Variants in TTN observed in about 807,000 individuals in gnomAD.
TTN encodes titin, also known as connectin.
A neutral mutation model predicts 3,223.0 loss-of-function variants in TTN; 1,525 were observed. The observed-to-expected ratio is 0.47, with a 90% CI of 0.45 to 0.49. TTN has a LOEUF of 0.49. Among genes scored for constraint, TTN ranks in the 20% least tolerant of loss-of-function variants. The probability of loss-of-function intolerance (pLI) is 0.00; values close to 1 mark genes in which losing one functional copy is unlikely to be tolerated. For missense variants in TTN, 40,786 were observed against 43,424.0 expected, an observed-to-expected ratio of 0.94 and a Z score of 5.40; for synonymous variants, 14,094 against 15,161.0, an observed-to-expected ratio of 0.93 and a Z score of 5.17.
chr2:178,637,299 C>A, intron 224 of TTN, 70 bp downstream of exon 224: 4 of 1,137,858 alleles, frequency 3.5e-6, no homozygotes, highest in Non-Finnish European at 1.2e-6. Context: ...AATTTTTTTC[C>A]CCTTGAATAT....
chr2:178,689,441 CA>C, intron 123 of TTN, 68 bp from the exon 124 acceptor site: 1 of 1,602,802 alleles, frequency 6.2e-7, no homozygotes, highest in Non-Finnish European at 8.5e-7. Context: ...ATAGAAGTGG[CA>C]ATTAAAGAAG....
At position 178,617,370 on chromosome 2, in the gene TTN, A is replaced by G. The variant is rs1559839662; in HGVS notation, c.47715T>C (p.Asn15905=). 1.9e-6 allele frequency: 3 copies of G among 1,586,368 alleles called. No homozygotes were observed. The highest frequency in any genetic ancestry group is 2.3e-5 in the East Asian group (1 of 44,136). The part of the protein sequence containing the change: ...IIERCEEGKD[N]WIRCNMKLVP... ...CAAGTTTCATATTGCAACGAATCCA[A>G]TTATCTTTTCCTTCTTCGCATCGCT... The change falls in exon 254 of 363, where the codon AAT becomes AAC. Residue 15905 remains asparagine (N), a synonymous_variant. Transcript: ENST00000589042.
Position 178,563,985 on chromosome 2 carries a change from T to TA in TTN, c.82146dup (p.Thr27383TyrfsTer19). On this transcript the variant is annotated frameshift_variant, in exon 326 of 363. Coordinates refer to ENST00000589042, the MANE Select transcript of TTN (RefSeq NM_001267550.2). LOFTEE classifies it high-confidence loss of function. The surrounding 1 kb of genome is among the most constrained non-coding windows in gnomAD (Gnocchi z 4.5). ...CATGCCAGGTAACATTTTTCCGCAG[T>TA]AACTCCAGTAACTTTCAGAGGCCCT... 6.2e-7 allele frequency: 1 copy of TA among 1,613,740 alleles called. No homozygotes were observed. Among genetic ancestry groups the TA allele is most frequent in the Non-Finnish European group, 8.5e-7 (1 of 1,179,742 alleles).
intron 259 of TTN, 149 bp downstream of exon 259, chr2:178,615,158 A>G: frequency 9.5e-7 from 1 of 1,050,918 alleles, no homozygotes; most frequent in Non-Finnish European, 1.4e-6. Context: ...AGCAGGCAGT[A>G]CATTCAGCAG....
intron 37 of TTN, among the ~76,000 whole-genome samples, chr2:178,769,139 T>A (rs1438421153): frequency 1.3e-5 from 2 of 152,020 alleles, no homozygotes; most frequent in African/African-American, 4.8e-5. Context: ...TGATAGACAC[T>A]GAGGCATCTT....
At chr2:178,747,439 AAACTGATCT>A in intron 47 of TTN, 5 of 1,613,410 alleles carry the variant, frequency 3.1e-6, no homozygotes, top group Middle Eastern at 3.3e-4. Context: ...GTGGGGTATA[AAACTGATCT>A]AACTCAGATA....
rs763816587 is a variant in TTN, at chr2:178,741,277, T to C, written c.11956A>G (p.Ile3986Val). Residue 3986 changes from isoleucine (I) to valine (V), a missense_variant, in exon 48 of 363, where the codon ATC (isoleucine) becomes GTC (valine). Ile to Val is a conservative substitution (Grantham distance 29). Coordinates refer to ENST00000589042, the MANE Select transcript of TTN (RefSeq NM_001267550.2). ...CCAGAGCCATTAGGGTTATGAATGA[T>C]AGTGTAATAAACACTGGTGCAAAGC... ...KQLCTSVYYT[I>V]IHNPNGSGTF... The C allele has an allele frequency of 6.2e-7, 1 of 1,613,792 alleles. No individual in the cohort carries two copies. Among genetic ancestry groups the C allele is most frequent in the African/African-American group, 1.3e-5 (1 of 74,932 alleles).
In TTN at chr2:178,569,974, T is replaced by G; in HGVS notation, c.76158A>C (p.Gly25386=). Residue 25386 remains glycine (G), a synonymous_variant, in exon 326 of 363, where the codon GGA becomes GGC. Transcript: ENST00000589042. ...CAGAAGGAGGGCTTGGTTCACTAAG[T>G]CCAGCAGCATTCTCAGCAGAAACTC... ...EFRVSAENAA[G]LSEPSPPSAY... The G allele has an allele frequency of 6.2e-7, 1 of 1,612,390 alleles. No individual in the cohort carries two copies. The highest frequency in any genetic ancestry group is 1.1e-5 in the South Asian group (1 of 90,982).
intron 47 of TTN, chr2:178,750,435 T>A: frequency 6.2e-7 from 1 of 1,612,492 alleles, no homozygotes. Flanking sequence ...ATGATAAAGT[T>A]TTGATTACGT....
intron 47 of TTN, chr2:178,744,862 G>T (rs1448914782): frequency 2.0e-6 from 2 of 985,024 alleles, no homozygotes; most frequent in African/African-American, 1.7e-5. Context: ...AAAGTGGAAA[G>T]ATCTATTTGC....
In TTN at chr2:178,615,420, T is replaced by G; in HGVS notation, c.48525A>C (p.Thr16175=). ...RDRTANSIFL[T]WDPPKNDGGS... is the part of the protein sequence containing the mutation. ...CACCATCATTTTTAGGTGGATCCCA[T>G]GTTAAGAAGATGCTATTGGCTGTTC... is the stretch of plus-strand genomic sequence containing the variant. Residue 16175 remains threonine (T), a synonymous_variant, in exon 259 of 363, where the codon ACA becomes ACC. Coordinates refer to ENST00000589042, the MANE Select transcript of TTN (RefSeq NM_001267550.2). The G allele has an allele frequency of 6.2e-7, 1 of 1,612,638 alleles. No individual in the cohort carries two copies. Among genetic ancestry groups the G allele is most frequent in the Non-Finnish European group, 8.5e-7 (1 of 1,179,030 alleles).
chr2:178,709,579 T>G lies in TTN; in HGVS notation c.28740A>C (p.Ser9580=), dbSNP rs1165320251. 1.9e-6 allele frequency: 3 copies of G among 1,605,798 alleles called. No homozygotes were observed. Among genetic ancestry groups the G allele is most frequent in the African/African-American group, 2.7e-5 (2 of 74,768 alleles). The change falls in exon 99 of 363, where the codon TCA becomes TCC. Residue 9580 remains serine (S), a synonymous_variant. Transcript: ENST00000589042. ...AGGATAACTCACCTTTGATGACGAT[T>G]GAAGACGTGCACAGAGCAGAGCCTG... is the stretch of plus-strand genomic sequence containing the variant. The part of the protein sequence containing the change: ...NDAGSALCTS[S]IVIKEPKKPP...
Position 178,601,494 on chromosome 2 carries a change from C to G in TTN, c.55503G>C (p.Lys18501Asn). The part of the protein sequence containing the change: ...ITRGSCRLSW[K>N]MPDDDGGDRI... Reference sequence around the variant, plus strand: ...TGTCTCCTCCATCGTCGTCTGGCATCTTCCATGAAAGTCTGCAACTACCCC... The same window carrying G: ...TGTCTCCTCCATCGTCGTCTGGCATGTTCCATGAAAGTCTGCAACTACCCC... Residue 18501 changes from lysine (K) to asparagine (N), a missense_variant, in exon 287 of 363, where the codon AAG (lysine) becomes AAC (asparagine). By Grantham distance (94) the Lys-to-Asn change is moderately conservative. Transcript: ENST00000589042. 6.2e-7 allele frequency: 1 copy of G among 1,613,040 alleles called. No homozygotes were observed. The highest frequency in any genetic ancestry group is 8.5e-7 in the Non-Finnish European group (1 of 1,179,318).
intron 332 of TTN, 90 bp from the exon 333 acceptor site, chr2:178,554,306 G>T (rs960726728): frequency 4.8e-6 from 7 of 1,452,738 alleles, no homozygotes; most frequent in Non-Finnish European, 6.5e-6. Flanking sequence ...CAAGAACATT[G>T]GTTTTATTTT....
rs978201175 is a variant in TTN, at chr2:178,560,289, G to A, written c.85843C>T (p.Leu28615Phe). 4 of 1,613,770 alleles carry A rather than the reference G, an allele frequency of 2.5e-6. No individual in the cohort carries two copies. Among genetic ancestry groups the A allele is most frequent in the Non-Finnish European group, 3.4e-6 (4 of 1,179,782 alleles). The change falls in exon 326 of 363, where the codon CTT becomes TTT. Residue 28615 changes from leucine (L) to phenylalanine (F), a missense_variant. Transcript: ENST00000589042. ...TATTCATATTCACATCCTTCCCGAA[G>A]TCCTGTTGATTTCACTCTTAGATCA... ...VYDLRVKSTG[L>F]REGCEYEYRV...
Position 178,770,675 on chromosome 2 carries a change from G to T in TTN, c.8117C>A (p.Ala2706Asp). 6.2e-7 allele frequency: 1 copy of T among 1,610,420 alleles called. No individual in the cohort carries two copies. Among genetic ancestry groups the T allele is most frequent in the Non-Finnish European group, 8.5e-7 (1 of 1,179,924 alleles). ...CTTCAGAGTCTTCTTAATTTTGACA[G>T]CTAAAGACAAATTTATGATTGGGTT... Reference protein sequence around the residue: ...SKTSAKLKVEAVKIKKTLKNL... With the variant: ...SKTSAKLKVEDVKIKKTLKNL... The change falls in exon 35 of 363, where the codon GCT becomes GAT. Residue 2706 changes from alanine (A) to aspartate (D), a missense_variant and splice_region_variant. Coordinates refer to ENST00000589042, the MANE Select transcript of TTN (RefSeq NM_001267550.2).
intron 173 of TTN, 85 bp downstream of exon 173, chr2:178,663,181 T>G (rs932943697): frequency 5.0e-6 from 8 of 1,598,554 alleles, no homozygotes; most frequent in South Asian, 1.1e-5. Flanking sequence ...TATATCATCT[T>G]TATGTAGTAG....
At chr2:178,782,507 T>C (rs768761592) in intron 19 of TTN, 32 bp downstream of exon 19, 11 of 1,613,682 alleles carry the variant, frequency 6.8e-6, no homozygotes, top group South Asian at 1.1e-5. Context: ...AAAATGGTAC[T>C]AGAACAGCTA....
At chr2:178,752,272 C>A (rs1226412967) in intron 47 of TTN, among the ~76,000 whole-genome samples, 3 of 151,946 alleles carry the variant, frequency 2.0e-5, no homozygotes, top group Admixed American at 6.6e-5. Context: ...GTTGAAATTT[C>A]TTCTTGAACA....
Sources: allele counts gnomAD v4.1 joint callset (sites outside exome capture counted in the v4.1 genomes callset), GRCh38; gene constraint gnomAD v4.1.1; non-coding constraint Gnocchi (gnomAD v3.1); transcripts MANE v1.5; gene names NCBI Gene and HGNC (gene_info 2026-07-23, HGNC 2026-07-21).